The following SYNDIG1 variants were observed in gnomAD, a reference collection of about 807,000 sequenced individuals.
SYNDIG1 encodes the protein synapse differentiation-inducing gene protein 1.
SYNDIG1 carries 9 observed loss-of-function variants against 19.4 expected under a neutral mutation model. The observed-to-expected ratio is 0.46, with a 90% CI of 0.28 to 0.81. SYNDIG1 has a LOEUF of 0.81. Among genes scored for constraint, SYNDIG1 ranks in the 30% least tolerant of loss-of-function variants. The pLI, the probability that SYNDIG1 is intolerant of heterozygous loss-of-function variation, is 0.12. For missense variants in SYNDIG1, 311 were observed against 343.3 expected, an observed-to-expected ratio of 0.91 and a Z score of 0.74; for synonymous variants, 141 against 145.9, an observed-to-expected ratio of 0.97 and a Z score of 0.24.
At chr20:24,641,287 TGATGGATG>T (rs755342728) in intron 3 of SYNDIG1, among the ~76,000 whole-genome samples, 5 of 137,708 alleles carry the variant, frequency 3.6e-5, no homozygotes, top group Non-Finnish European at 5.1e-5. Flanking sequence ...ATGGATGGAT[TGATGGATG>T]GATGGATGGA....
chr20:24,587,377 G>A (rs1166947469), intron 3 of SYNDIG1, among the ~76,000 whole-genome samples: 2 of 152,180 alleles, frequency 1.3e-5, no homozygotes, highest in Non-Finnish European at 2.9e-5. Flanking sequence ...TCTCCAATCA[G>A]AACTCCCATC....
At chr20:24,638,102 C>A (rs2059334254) in intron 3 of SYNDIG1, among the ~76,000 whole-genome samples, 1 of 152,118 alleles carries the variant, frequency 6.6e-6, no homozygotes, top group African/African-American at 2.4e-5. Flanking sequence ...AATGAGTTGC[C>A]CAAGTGAAGC....
chr20:24,533,614 C>T (rs1005487559), intron 1 of SYNDIG1, among the ~76,000 whole-genome samples: 2 of 152,006 alleles, frequency 1.3e-5, no homozygotes, highest in Non-Finnish European at 2.9e-5. Context: ...CTGTGTTGTA[C>T]AGCAAGTTGA....
At chr20:24,656,668 C>T (rs1262612231) in intron 3 of SYNDIG1, among the ~76,000 whole-genome samples, 1 of 152,236 alleles carries the variant, frequency 6.6e-6, no homozygotes, top group Non-Finnish European at 1.5e-5. Context: ...CCTCGCCCTC[C>T]TCAGGGGCTC....
intron 1 of SYNDIG1, among the ~76,000 whole-genome samples, chr20:24,542,639 C>T (rs1672725768): frequency 2.0e-5 from 3 of 152,188 alleles, no homozygotes; most frequent in African/African-American, 7.2e-5. Context: ...AAGAGCTAAT[C>T]GCCTTTACAG....
chr20:24,548,614 A>G (rs1483048696), intron 2 of SYNDIG1, among the ~76,000 whole-genome samples: 2 of 152,252 alleles, frequency 1.3e-5, no homozygotes, highest in Non-Finnish European at 2.9e-5. Flanking sequence ...AATAATAAAC[A>G]GCATTTTGAA....
chr20:24,648,353 A>G (rs2059440178), intron 3 of SYNDIG1, among the ~76,000 whole-genome samples: 1 of 152,302 alleles, frequency 6.6e-6, no homozygotes, highest in Admixed American at 6.5e-5. Flanking sequence ...GGTGTCACCA[A>G]GGATCTGAGG....
At chr20:24,643,941 C>A (rs1463345092) in intron 3 of SYNDIG1, among the ~76,000 whole-genome samples, 1 of 152,210 alleles carries the variant, frequency 6.6e-6, no homozygotes, top group Non-Finnish European at 1.5e-5. Context: ...AAAACAGACA[C>A]ATCATCAAAA....
intron 2 of SYNDIG1, among the ~76,000 whole-genome samples, chr20:24,547,023 C>A (rs753615453): frequency 6.6e-6 from 1 of 152,132 alleles, no homozygotes; most frequent in Admixed American, 6.5e-5. Context: ...ATGGGGCCCC[C>A]TCATTGCCCT....
chr20:24,603,663 G>A (rs1174402144), intron 3 of SYNDIG1, among the ~76,000 whole-genome samples: 3 of 152,182 alleles, frequency 2.0e-5, no homozygotes, highest in Non-Finnish European at 4.4e-5. Flanking sequence ...CATTCTCAGC[G>A]AGGAAGCATT....
chr20:24,504,518 C>A (rs2056539047), intron 1 of SYNDIG1, among the ~76,000 whole-genome samples: 1 of 152,084 alleles, frequency 6.6e-6, no homozygotes, highest in Non-Finnish European at 1.5e-5. Context: ...GCCACCCTCA[C>A]CCTGGCTCTA....
intron 3 of SYNDIG1, among the ~76,000 whole-genome samples, chr20:24,593,317 T>C (rs906794602): frequency 6.6e-6 from 1 of 152,214 alleles, no homozygotes; most frequent in African/African-American, 2.4e-5. Flanking sequence ...TGTTCCTATG[T>C]CAGTTCATTT....
At chr20:24,660,342 C>G (rs775428644) in intron 3 of SYNDIG1, among the ~76,000 whole-genome samples, 11 of 152,192 alleles carry the variant, frequency 7.2e-5, no homozygotes, top group Non-Finnish European at 1.5e-5. Context: ...AGTGGTGGTA[C>G]CAATTTGTAT....
intron 3 of SYNDIG1, among the ~76,000 whole-genome samples, chr20:24,607,405 C>T (rs1294841395): frequency 6.6e-6 from 1 of 151,836 alleles, no homozygotes; most frequent in Non-Finnish European, 1.5e-5. Flanking sequence ...GAAAACTCCA[C>T]CTCGTTCGGG....
chr20:24,560,344 C>T (rs531225081), intron 2 of SYNDIG1, among the ~76,000 whole-genome samples: 61 of 152,130 alleles, frequency 4.0e-4, no homozygotes, highest in African/African-American at 1.4e-3. Flanking sequence ...CAATATTCCT[C>T]CACAGATATT....
chr20:24,526,892 A>G (rs1258802350), intron 1 of SYNDIG1, among the ~76,000 whole-genome samples: 1 of 152,094 alleles, frequency 6.6e-6, no homozygotes, highest in Non-Finnish European at 1.5e-5. Flanking sequence ...TTATTGCTTG[A>G]TATGTGTCTT....
rs1044394112 is a variant in SYNDIG1, at chr20:24,486,798, A to G, written c.-79+17045A>G. On this transcript the variant is annotated intron_variant, in intron 1 of 3. Transcript: ENST00000376862. ...CTCACCCTCCTGAGTATCTGGGACT[A>G]CAGGTGTGCGCCAACATGCCCAGCT... Among the ~76,000 whole-genome samples the G allele has an allele frequency of 4.6e-5, 7 of 151,984 alleles. No individual in the cohort carries two copies. The South Asian group carries it at 8.3e-4, about 18-fold the overall frequency.
rs868352257 is a variant in SYNDIG1, at chr20:24,658,039, C to T, written c.619-7307C>T. 2.0e-5 allele frequency among the ~76,000 whole-genome samples: 3 copies of T among 152,106 alleles called. No homozygotes were observed. Among genetic ancestry groups the T allele is most frequent in the African/African-American group, 4.8e-5 (2 of 41,410 alleles). ...GCTGAGGACCCCCAGCTGTGCTGGC[C>T]CCGGTCCATGGATGACGGGGACTGT... On this transcript the variant is annotated intron_variant, in intron 3 of 3. Coordinates refer to ENST00000376862, the MANE Select transcript of SYNDIG1 (RefSeq NM_024893.3). The surrounding 1 kb of genome is among the most constrained non-coding windows in gnomAD (Gnocchi z 4.4).
chr20:24,566,029 T>C (rs546620862), intron 2 of SYNDIG1, among the ~76,000 whole-genome samples: 98 of 152,304 alleles, frequency 6.4e-4, no homozygotes, highest in African/African-American at 2.3e-3. Context: ...GTGGGAGCCA[T>C]GAGCAAGTGA....
Sources: gnomAD v4.1 joint callset for allele counts (sites outside exome capture counted in the v4.1 genomes callset) on GRCh38, gnomAD v4.1.1 for gene constraint, Gnocchi (gnomAD v3.1) non-coding constraint, MANE v1.5 for transcripts, NCBI Gene and HGNC (gene_info 2026-07-23, HGNC 2026-07-21) for gene names.